CLIP1: variants seen among roughly 807,000 people sequenced by gnomAD.
CLIP1 encodes CAP-Gly domain containing linker protein 1.
CLIP1 carries 66 observed loss-of-function variants against 161.6 expected under a neutral mutation model. The observed-to-expected ratio is 0.41, with a 90% CI of 0.33 to 0.50. The LOEUF (loss-of-function observed/expected upper bound fraction) is 0.50, where lower values mean the gene tolerates loss of function less well. CLIP1 is among the 20% of genes least tolerant of loss of function. CLIP1 has a pLI of 0.27. For missense variants in CLIP1, 1,376 were observed against 1,702.0 expected, an observed-to-expected ratio of 0.81 and a Z score of 3.37; for synonymous variants, 598 against 626.2, an observed-to-expected ratio of 0.96 and a Z score of 0.67.
chr12:122,290,858 CT>C (rs565095841), intron 20 of CLIP1, among the ~76,000 whole-genome samples: 49 of 148,884 alleles, frequency 3.3e-4, no homozygotes, highest in African/African-American at 1.2e-3. Context: ...TTTCTTTTTT[CT>C]TTTTTTTATT....
intron 15 of CLIP1, among the ~76,000 whole-genome samples, chr12:122,329,842 G>T (rs1951864564): frequency 6.6e-6 from 1 of 152,092 alleles, no homozygotes. Context: ...GGGGGGCCGG[G>T]TGCGTTGGCT....
At chr12:122,338,101 C>T (rs12815962) in intron 11 of CLIP1, among the ~76,000 whole-genome samples, 4 of 151,526 alleles carry the variant, frequency 2.6e-5, no homozygotes, top group East Asian at 2.0e-4. Context: ...ATTGGGAGGC[C>T]GAGGTCAGCA....
intron 1 of CLIP1, among the ~76,000 whole-genome samples, chr12:122,392,902 C>A (rs1180107062): frequency 2.0e-5 from 3 of 152,058 alleles, no homozygotes; most frequent in Non-Finnish European, 4.4e-5. Context: ...CTGCCTCAGC[C>A]TCCCGAGTAA....
intron 9 of CLIP1, among the ~76,000 whole-genome samples, chr12:122,349,756 A>G (rs1427218819): frequency 1.3e-5 from 2 of 152,220 alleles, no homozygotes; most frequent in African/African-American, 4.8e-5. Flanking sequence ...CAGGGGGGAA[A>G]TCCCATGCAG....
In CLIP1 at chr12:122,406,073, G is replaced by A. The variant is rs114075425; in HGVS notation, c.-107+16448C>T. On this transcript the variant is annotated intron_variant, in intron 1 of 25. Transcript: ENST00000620786. ...CAGAGCAAGACTCCATCTGGGGGAT[G>A]GGGGGCGGGAAGCAAACAGCATATC... 5.9e-3 allele frequency among the ~76,000 whole-genome samples: 903 copies of A among 152,160 alleles called. 6 individuals are homozygous for A. Among genetic ancestry groups the A allele is most frequent in the African/African-American group, 0.021 (862 of 41,526 alleles).
At chr12:122,283,461 C>CTTT (rs1305137720) in intron 21 of CLIP1, among the ~76,000 whole-genome samples, 2 of 140,214 alleles carry the variant, frequency 1.4e-5, no homozygotes, top group African/African-American at 2.6e-5. Context: ...TCTTTCTTTT[C>CTTT]TTTTTTTTTT....
chr12:122,395,524 G>A (rs191270547), intron 1 of CLIP1: 29 of 152,234 alleles, frequency 1.9e-4, no homozygotes, highest in African/African-American at 7.0e-4. Context: ...GTCGCCCTCT[G>A]GGCTGAAGCC....
At chr12:122,284,872 T>C (rs1955788193) in intron 21 of CLIP1, among the ~76,000 whole-genome samples, 1 of 152,192 alleles carries the variant, frequency 6.6e-6, no homozygotes, top group Admixed American at 6.5e-5. Flanking sequence ...AGCCTACACC[T>C]GTCTTTTATT....
At chr12:122,346,832 AG>A (rs1952776149) in intron 10 of CLIP1, among the ~76,000 whole-genome samples, 1 of 152,212 alleles carries the variant, frequency 6.6e-6, no homozygotes, top group Non-Finnish European at 1.5e-5. Flanking sequence ...CCCGAGCGAC[AG>A]GAAGGAGGGA....
chr12:122,318,902 T>G (rs1465291052), intron 18 of CLIP1, among the ~76,000 whole-genome samples: 1 of 152,082 alleles, frequency 6.6e-6, no homozygotes, highest in Non-Finnish European at 1.5e-5. Flanking sequence ...TGGCTCAAAG[T>G]TGGGAAAGAG....
intron 20 of CLIP1, among the ~76,000 whole-genome samples, chr12:122,299,194 A>G (rs1950582220): frequency 6.6e-6 from 1 of 151,862 alleles, no homozygotes; most frequent in South Asian, 2.1e-4. Flanking sequence ...ATGCAGAGGC[A>G]GAGTGGAAAA....
At chr12:122,397,004 C>G (rs1359833342) in intron 1 of CLIP1, among the ~76,000 whole-genome samples, 2 of 136,468 alleles carry the variant, frequency 1.5e-5, no homozygotes, top group East Asian at 2.2e-4. Flanking sequence ...GTCTTGAACT[C>G]CTGGGTGCAA....
intron 19 of CLIP1, among the ~76,000 whole-genome samples, chr12:122,315,108 C>G (rs770223131): frequency 6.6e-6 from 1 of 152,122 alleles, no homozygotes; most frequent in Non-Finnish European, 1.5e-5. Flanking sequence ...TAAAACTCCC[C>G]GAAGAACCAC....
At chr12:122,326,178 G>T (rs1351675148) in intron 17 of CLIP1, among the ~76,000 whole-genome samples, 1 of 152,226 alleles carries the variant, frequency 6.6e-6, no homozygotes, top group South Asian at 2.1e-4. Context: ...TACTAGACAC[G>T]TTTGGAGGGG....
At chr12:122,344,004 G>A (rs1173493334) in intron 10 of CLIP1, 3 of 152,292 alleles carry the variant, frequency 2.0e-5, no homozygotes, top group Non-Finnish European at 4.4e-5. Context: ...GATCACTTGT[G>A]GCCAGGAGTT....
At chr12:122,294,476 A>C (rs988209157) in intron 20 of CLIP1, among the ~76,000 whole-genome samples, 5 of 152,056 alleles carry the variant, frequency 3.3e-5, no homozygotes, top group African/African-American at 1.2e-4. Flanking sequence ...GAAATAAATC[A>C]GAGTGACCGG....
chr12:122,278,029 G>T, intron 24 of CLIP1, 125 bp downstream of exon 24: 3 of 791,684 alleles, frequency 3.8e-6, no homozygotes, highest in South Asian at 3.0e-5. Context: ...TGGACTAGAG[G>T]AATGCATTAC....
At chr12:122,352,629 G>T in intron 8 of CLIP1, 97 bp downstream of exon 8, 1 of 1,108,374 alleles carries the variant, frequency 9.0e-7, no homozygotes, top group Non-Finnish European at 1.4e-6. Context: ...TTCCTCAGCT[G>T]GCTGTTCTGG....
At chr12:122,322,411 G>C (rs559340462) in intron 17 of CLIP1, 2 of 152,758 alleles carry the variant, frequency 1.3e-5, no homozygotes, top group South Asian at 4.1e-4. Context: ...TCCGCTGAAG[G>C]TCATCCAGAA....
Sources: gnomAD v4.1 joint callset for allele counts (sites outside exome capture counted in the v4.1 genomes callset) on GRCh38, gnomAD v4.1.1 for gene constraint, MANE v1.5 for transcripts, NCBI Gene and HGNC (gene_info 2026-07-23, HGNC 2026-07-21) for gene names.